Variants in SLC9A7 observed in about 807,000 individuals in gnomAD.
SLC9A7 encodes solute carrier family 9 member A7.
A neutral mutation model predicts 52.6 loss-of-function variants in SLC9A7; 19 were observed. That is an observed-to-expected ratio of 0.36 (90% CI 0.25 to 0.53). The LOEUF is 0.53. Among genes scored for constraint, SLC9A7 ranks in the 20% least tolerant of loss-of-function variants. SLC9A7 has a pLI of 0.91. For missense variants in SLC9A7, 455 were observed against 597.9 expected, an observed-to-expected ratio of 0.76 and a Z score of 2.49; for synonymous variants, 226 against 252.1, an observed-to-expected ratio of 0.90 and a Z score of 0.98.
intron 5 of SLC9A7, among the ~76,000 whole-genome samples, chrX:46,667,298 C>T (rs1383932509): frequency 9.0e-6 from 1 of 111,256 alleles, no homozygotes; most frequent in Non-Finnish European, 1.9e-5. Context: ...CACCTTTTCA[C>T]AAACCAGAGT....
intron 5 of SLC9A7, among the ~76,000 whole-genome samples, chrX:46,663,967 A>G (rs1453764567): frequency 8.9e-6 from 1 of 112,131 alleles, no homozygotes; most frequent in African/African-American, 3.2e-5. Flanking sequence ...CTCAAAAAAA[A>G]GATTAATTAG....
At position 46,668,952 on chromosome X, in the gene SLC9A7, A is replaced by G. The variant is rs187930951; in HGVS notation, c.793+655T>C. 3.4e-3 allele frequency among the ~76,000 whole-genome samples: 374 copies of G among 110,830 alleles called. 9 individuals are homozygous for G. The East Asian group carries it at 0.095, about 28-fold the overall frequency. ...GGAGGCCAAGGCGGGTGGATCACGA[A>G]GTCAGGAGATCGAGACCATCCTGGC... On this transcript the variant is annotated intron_variant, in intron 5 of 16. Transcript: ENST00000616978.
At chrX:46,668,612 C>T (rs1485033738) in intron 5 of SLC9A7, among the ~76,000 whole-genome samples, 1 of 111,909 alleles carries the variant, frequency 8.9e-6, no homozygotes, top group African/African-American at 3.2e-5. Flanking sequence ...AATGGATGAA[C>T]TTTGAGGACA....
At chrX:46,646,798 A>G in intron 11 of SLC9A7, 1 of 337,558 alleles carries the variant, frequency 3.0e-6, no homozygotes, top group South Asian at 3.2e-5. Flanking sequence ...CATGGGCTGT[A>G]ATCAGTACCC....
intron 1 of SLC9A7, among the ~76,000 whole-genome samples, chrX:46,701,553 T>C (rs959001953): frequency 2.7e-5 from 3 of 111,304 alleles, no homozygotes; most frequent in Non-Finnish European, 5.7e-5. Flanking sequence ...CGCCACTGCA[T>C]TCCAGCCTGG....
intron 1 of SLC9A7, among the ~76,000 whole-genome samples, chrX:46,731,432 T>TATATTAAAAAAAAAAAA (rs748259550): frequency 3.2e-4 from 25 of 78,268 alleles, no homozygotes; most frequent in Non-Finnish European, 6.6e-4. Flanking sequence ...TATAAAAAAT[T>TATATTAAAAAAAAAAAA]AAAAAAAATT....
At chrX:46,717,435 A>C (rs1944785924) in intron 1 of SLC9A7, among the ~76,000 whole-genome samples, 1 of 111,993 alleles carries the variant, frequency 8.9e-6, no homozygotes, top group African/African-American at 3.2e-5. Context: ...GCTGGAGTGC[A>C]GTGGCACAAT....
chrX:46,637,755 TACTC>T (rs1405889738), intron 12 of SLC9A7, among the ~76,000 whole-genome samples: 1 of 112,535 alleles, frequency 8.9e-6, no homozygotes, highest in African/African-American at 3.2e-5. Flanking sequence ...TAACAACTCT[TACTC>T]AAGAGACTGA....
chrX:46,652,180 A>G (rs1943593467), intron 8 of SLC9A7, among the ~76,000 whole-genome samples: 1 of 111,757 alleles, frequency 8.9e-6, no homozygotes. Context: ...AGTGGATTAT[A>G]TATTATATAT....
chrX:46,711,295 A>T (rs1944682818), intron 1 of SLC9A7, among the ~76,000 whole-genome samples: 1 of 112,931 alleles, frequency 8.9e-6, no homozygotes, highest in Admixed American at 9.3e-5. Context: ...CATATGGGGT[A>T]AAAGTCACTG....
intron 2 of SLC9A7, among the ~76,000 whole-genome samples, chrX:46,681,102 G>C (rs747838866): frequency 8.9e-6 from 1 of 111,971 alleles, no homozygotes; most frequent in South Asian, 3.6e-4. Flanking sequence ...CCCTCAACTA[G>C]CAACAATCAT....
Position 46,681,801 on chromosome X carries a change from A to G in SLC9A7, c.525+535T>C, listed in dbSNP as rs766935431. Among the ~76,000 whole-genome samples the G allele has an allele frequency of 1.9e-3, 214 of 112,371 alleles. 2 individuals are homozygous for G. Among genetic ancestry groups the G allele is most frequent in the African/African-American group, 6.7e-3 (208 of 30,972 alleles). On this transcript the variant is annotated intron_variant, in intron 2 of 16. Transcript: ENST00000616978. Reference sequence around the variant, plus strand: ...CATTAAATGAAAATGCTTGGACTCAAATTCTAAGACAACAAGATCTTCTTC... The same window carrying G: ...CATTAAATGAAAATGCTTGGACTCAGATTCTAAGACAACAAGATCTTCTTC...
At chrX:46,689,329 A>G (rs766878887) in intron 1 of SLC9A7, among the ~76,000 whole-genome samples, 1 of 112,457 alleles carries the variant, frequency 8.9e-6, no homozygotes, top group East Asian at 2.8e-4. Flanking sequence ...TCATCCAAGT[A>G]TTGTGTGAAT....
At chrX:46,615,727 A>G (rs1321663320) in intron 15 of SLC9A7, among the ~76,000 whole-genome samples, 1 of 109,859 alleles carries the variant, frequency 9.1e-6, no homozygotes, top group Non-Finnish European at 1.9e-5. Flanking sequence ...GTTGGATGGG[A>G]CAAAATAAAA....
At chrX:46,730,731 T>C (rs1375205139) in intron 1 of SLC9A7, among the ~76,000 whole-genome samples, 2 of 79,818 alleles carry the variant, frequency 2.5e-5, no homozygotes, top group African/African-American at 8.2e-5. Context: ...GAAGACCTTG[T>C]TTATAATAGT....
intron 12 of SLC9A7, among the ~76,000 whole-genome samples, chrX:46,642,011 C>T (rs1460427811): frequency 2.7e-5 from 3 of 112,501 alleles, no homozygotes; most frequent in African/African-American, 6.5e-5. Flanking sequence ...CCACCTGGAT[C>T]TCAGGCAGAG....
intron 7 of SLC9A7, among the ~76,000 whole-genome samples, chrX:46,654,467 G>A (rs1033751310): frequency 1.8e-5 from 2 of 111,166 alleles, no homozygotes; most frequent in Non-Finnish European, 3.8e-5. Flanking sequence ...TCTCAATAAG[G>A]CTGTTCTTTT....
chrX:46,742,221 G>A (rs942095749), intron 1 of SLC9A7, among the ~76,000 whole-genome samples: 1 of 111,271 alleles, frequency 9.0e-6, no homozygotes, highest in Non-Finnish European at 1.9e-5. Context: ...TTCTTATAAA[G>A]TTAAACATAT....
intron 1 of SLC9A7, among the ~76,000 whole-genome samples, chrX:46,723,153 T>C (rs1457183355): frequency 9.2e-6 from 1 of 109,049 alleles, no homozygotes; most frequent in African/African-American, 3.3e-5. Context: ...CCACCACATA[T>C]ATAACAGGTG....
Sources: gnomAD v4.1 joint callset for allele counts (sites outside exome capture counted in the v4.1 genomes callset) on GRCh38, gnomAD v4.1.1 for gene constraint, MANE v1.5 for transcripts, NCBI Gene and HGNC (gene_info 2026-07-23, HGNC 2026-07-21) for gene names.